Variants in WDR25 observed in about 807,000 individuals in gnomAD.
The protein encoded by WDR25 is WD repeat-containing protein 25.
A neutral mutation model predicts 47.7 loss-of-function variants in WDR25; 35 were observed. The ratio of observed to expected loss-of-function variants is 0.73; its 90% CI spans 0.56 to 0.97. The LOEUF (loss-of-function observed/expected upper bound fraction) is 0.97. Among genes scored for constraint, WDR25 ranks in the 50% least tolerant of loss-of-function variants. WDR25 has a pLI of 0.00. For synonymous variants in WDR25, 248 were observed against 278.9 expected (o/e 0.89, Z 1.10); for missense variants, 634 against 704.7 (o/e 0.90, Z 1.14).
chr14:100,408,784 G>A (rs1897621830), intron 2 of WDR25, among the ~76,000 whole-genome samples: 1 of 151,912 alleles, frequency 6.6e-6, no homozygotes, highest in African/African-American at 2.4e-5. Flanking sequence ...CTGTGCCTTG[G>A]GTGTTTTGTT....
chr14:100,456,931 G>C (rs371884839), intron 2 of WDR25, among the ~76,000 whole-genome samples: 5 of 152,156 alleles, frequency 3.3e-5, no homozygotes, highest in African/African-American at 4.8e-5. Flanking sequence ...AGTTCACCAA[G>C]GTATATTATA....
chr14:100,452,959 C>T (rs1286959458), intron 2 of WDR25, among the ~76,000 whole-genome samples: 5 of 152,020 alleles, frequency 3.3e-5, no homozygotes, highest in South Asian at 4.1e-4. Context: ...CTTGAGACAT[C>T]GGTTTTGAGG....
chr14:100,460,941 C>T (rs1899392077), intron 2 of WDR25, among the ~76,000 whole-genome samples: 1 of 152,206 alleles, frequency 6.6e-6, no homozygotes, highest in African/African-American at 2.4e-5. Context: ...CCAGGCTGCG[C>T]ACAGTGGCTC....
chr14:100,497,286 T>C (rs2140341487), intron 4 of WDR25, among the ~76,000 whole-genome samples: 1 of 152,274 alleles, frequency 6.6e-6, no homozygotes, highest in South Asian at 2.1e-4. Flanking sequence ...CTTGCTGTTT[T>C]TTAATCTACT....
intron 2 of WDR25, among the ~76,000 whole-genome samples, chr14:100,443,154 G>A (rs1898720750): frequency 6.6e-6 from 1 of 152,214 alleles, no homozygotes; most frequent in African/African-American, 2.4e-5. Context: ...AGCTGGGTTT[G>A]AATATTGCTC....
At chr14:100,417,772 T>G (rs1897910153) in intron 2 of WDR25, among the ~76,000 whole-genome samples, 1 of 152,204 alleles carries the variant, frequency 6.6e-6, no homozygotes, top group Non-Finnish European at 1.5e-5. Context: ...TCGCATTTTC[T>G]GCCTGACTTC....
At position 100,449,024 on chromosome 14, in the gene WDR25, C is replaced by T. The variant is rs74534786; in HGVS notation, c.823-18997C>T. ...CTAGAAAGTGGCGTGCAAGGACGAT[C>T]GTGATGGGAGATGAGGCTGGGCAGG... On this transcript the variant is annotated intron_variant, in intron 2 of 6. Coordinates refer to ENST00000402312, the MANE Select transcript of WDR25 (RefSeq NM_001161476.3). This position sits in a 1 kb window ranked among gnomAD's most constrained non-coding sequence, Gnocchi z 4.2. 2.2e-3 allele frequency among the ~76,000 whole-genome samples: 333 copies of T among 152,092 alleles called. 8 individuals carry two copies. In the East Asian group the frequency reaches 0.052, roughly 24 times the overall value.
chr14:100,442,387 G>A (rs1898697564), intron 2 of WDR25, among the ~76,000 whole-genome samples: 1 of 152,148 alleles, frequency 6.6e-6, no homozygotes, highest in African/African-American at 2.4e-5. Context: ...GGCTGGCAGG[G>A]AAAGAAGGAA....
intron 4 of WDR25, among the ~76,000 whole-genome samples, chr14:100,509,308 A>G (rs1197854777): frequency 6.6e-6 from 1 of 152,140 alleles, no homozygotes; most frequent in Non-Finnish European, 1.5e-5. Flanking sequence ...GTTATCTTTT[A>G]TCTTCTAAGG....
chr14:100,473,827 C>G (rs1330466662), intron 3 of WDR25, among the ~76,000 whole-genome samples: 1 of 152,202 alleles, frequency 6.6e-6, no homozygotes, highest in Non-Finnish European at 1.5e-5. Flanking sequence ...CTGGGCTTCT[C>G]CGTTCTTTGG....
chr14:100,413,998 A>ATT (rs34471579), intron 2 of WDR25, among the ~76,000 whole-genome samples: 4 of 140,250 alleles, frequency 2.9e-5, no homozygotes, highest in Non-Finnish European at 4.7e-5. Flanking sequence ...GAGGTAGTTC[A>ATT]TTTTTTTTTT....
intron 4 of WDR25, among the ~76,000 whole-genome samples, chr14:100,504,087 C>T (rs1436021075): frequency 6.6e-6 from 1 of 152,228 alleles, no homozygotes; most frequent in Non-Finnish European, 1.5e-5. Context: ...CCACCCTCCT[C>T]ACCCTCACCA....
chr14:100,404,168 C>A lies in WDR25; in HGVS notation c.822+22422C>A, dbSNP rs576439825. On this transcript the variant is annotated intron_variant, in intron 2 of 6. Coordinates refer to ENST00000402312, the MANE Select transcript of WDR25 (RefSeq NM_001161476.3). The surrounding 1 kb of genome is among the most constrained non-coding windows in gnomAD (Gnocchi z 4.6). The stretch of plus-strand genomic sequence containing the variant: ...CCCCATACGCACATGATTGGTCCCC[C>A]TGAAACCTCTGAGGTGCCGATGGCA... 2.0e-5 allele frequency among the ~76,000 whole-genome samples: 3 copies of A among 152,204 alleles called. No homozygotes were observed. Among genetic ancestry groups the A allele is most frequent in the Non-Finnish European group, 4.4e-5 (3 of 68,042 alleles).
At chr14:100,402,463 C>T (rs1245205320) in intron 2 of WDR25, among the ~76,000 whole-genome samples, 1 of 151,962 alleles carries the variant, frequency 6.6e-6, no homozygotes, top group Non-Finnish European at 1.5e-5. Context: ...AGGTTATTGT[C>T]ATAGGCAGGA....
At chr14:100,471,668 A>G (rs952552096) in intron 3 of WDR25, among the ~76,000 whole-genome samples, 2 of 152,190 alleles carry the variant, frequency 1.3e-5, no homozygotes, top group African/African-American at 4.8e-5. Context: ...CTTGGTGCCC[A>G]TTGTCATTAA....
chr14:100,413,627 A>T (rs944148214), intron 2 of WDR25, among the ~76,000 whole-genome samples: 3 of 151,802 alleles, frequency 2.0e-5, no homozygotes, highest in Non-Finnish European at 4.4e-5. Context: ...GTTAGCCAGG[A>T]TGGTCTCGAT....
chr14:100,423,306 G>A (rs1898077954), intron 2 of WDR25, among the ~76,000 whole-genome samples: 1 of 152,144 alleles, frequency 6.6e-6, no homozygotes, highest in South Asian at 2.1e-4. Context: ...CTTCTGTGGA[G>A]AATGCCACTG....
rs1436048499 is a variant in WDR25 at position 100,525,870 on chromosome 14, G to A, written c.1102G>A (p.Val368Met). ...MKAWDIRTGK[V>M]MRSYKATIQQ... ...GCATGACCGGTGTCCGCTCTTGCAGGTGATGAGAAGCTACAAGGCGACCAT... is the reference window on the plus strand; with the variant it reads ...GCATGACCGGTGTCCGCTCTTGCAGATGATGAGAAGCTACAAGGCGACCAT... Residue 368 changes from valine to methionine, a missense_variant and splice_region_variant, in exon 5 of 7, where the codon GTG becomes ATG. Val to Met is a conservative substitution (Grantham distance 21). Coordinates refer to ENST00000402312, the MANE Select transcript of WDR25 (RefSeq NM_001161476.3). This position sits in a 1 kb window ranked among gnomAD's most constrained non-coding sequence, Gnocchi z 4.6. 2 of 1,613,554 alleles carry A rather than the reference G, an allele frequency of 1.2e-6. No individual in the cohort carries two copies. Among genetic ancestry groups the A allele is most frequent in the Non-Finnish European group, 1.7e-6 (2 of 1,179,700 alleles).
chr14:100,525,757 G>C lies in WDR25; in HGVS notation c.1102-113G>C. On this transcript the variant is annotated intron_variant, in intron 4 of 6. Coordinates refer to ENST00000402312, the MANE Select transcript of WDR25 (RefSeq NM_001161476.3). The surrounding 1 kb of genome is among the most constrained non-coding windows in gnomAD (Gnocchi z 4.6). ...GTGCTGCTCAGCCTGGGTGTGTGTG[G>C]CCCAGCATAAACTTCACTAAACCTG... 2 of 1,253,050 alleles carry C rather than the reference G, an allele frequency of 1.6e-6. No individual in the cohort carries two copies. The highest frequency in any genetic ancestry group is 2.2e-6 in the Non-Finnish European group (2 of 912,822). The allele number at this position is 1,253,050 out of a possible 1,614,324, so 77.6% of individuals were successfully genotyped here.
Sources: gnomAD v4.1 joint callset for allele counts (sites outside exome capture counted in the v4.1 genomes callset) on GRCh38, gnomAD v4.1.1 for gene constraint, Gnocchi (gnomAD v3.1) non-coding constraint, MANE v1.5 for transcripts, NCBI Gene and HGNC (gene_info 2026-07-23, HGNC 2026-07-21) for gene names.